SORBS2: variants seen among roughly 807,000 people sequenced by gnomAD.
The protein encoded by SORBS2 is sorbin and SH3 domain containing 2, also known as sorbin and SH3 domain-containing protein 2.
SORBS2 carries 46 observed loss-of-function variants against 97.7 expected under a neutral mutation model. That is an observed-to-expected ratio of 0.47 (90% CI 0.37 to 0.60). SORBS2 has a LOEUF of 0.60. Ranked by LOEUF, SORBS2 falls within the 20% of genes least tolerant of loss-of-function variation. The pLI is 0.00. For synonymous variants in SORBS2, 476 were observed against 473.4 expected, an observed-to-expected ratio of 1.01 and a Z score of -0.07; for missense variants, 1,316 against 1,282.3, an observed-to-expected ratio of 1.03 and a Z score of -0.40.
chr4:185,927,284 T>C (rs2099264185), intron 1 of SORBS2, among the ~76,000 whole-genome samples: 1 of 151,852 alleles, frequency 6.6e-6, no homozygotes, highest in Non-Finnish European at 1.5e-5. Flanking sequence ...TTATTTTTTA[T>C]TTTACTTTAA....
chr4:185,920,914 C>G (rs938530837), intron 1 of SORBS2, among the ~76,000 whole-genome samples: 1 of 152,140 alleles, frequency 6.6e-6, no homozygotes, highest in Non-Finnish European at 1.5e-5. Context: ...CATCAAAATG[C>G]TTTTCAGTGA....
At chr4:185,665,048 G>A (rs1286621576) in intron 4 of SORBS2, among the ~76,000 whole-genome samples, 1 of 151,994 alleles carries the variant, frequency 6.6e-6, no homozygotes, top group Non-Finnish European at 1.5e-5. Context: ...TATATGTATG[G>A]AAAAGATGTA....
chr4:185,616,714 A>G (rs57883318), intron 9 of SORBS2, among the ~76,000 whole-genome samples: 33,016 of 152,062 alleles, frequency 0.22, 4,290 homozygotes, highest in African/African-American at 0.37. Context: ...CAGACCTAGA[A>G]TTTTAAAGTC....
intron 1 of SORBS2, among the ~76,000 whole-genome samples, chr4:185,937,284 G>A (rs1383447787): frequency 3.3e-5 from 5 of 152,136 alleles, no homozygotes; most frequent in Non-Finnish European, 7.4e-5. Context: ...GTTCTGCATT[G>A]TACTAGCAGT....
rs113697218 is a variant in SORBS2 at position 185,646,826 on chromosome 4, C to T, written c.282-44G>A. On this transcript the variant is annotated intron_variant, in intron 3 of 14. Transcript: ENST00000418609. ...TCACACATTAAAATAATCCTTTTTG[C>T]TTAAAGCAATTGTGTAAAACCAGTT... 2.6e-6 allele frequency: 3 copies of T among 1,149,756 alleles called. No homozygotes were observed. In the African/African-American group the frequency reaches 4.5e-5, roughly 17 times the overall value. 71.2% of individuals were successfully genotyped at this position (1,149,756 alleles called of 1,614,324 possible).
Position 185,678,829 on chromosome 4 carries a change from G to GAA in SORBS2, c.-197-9_-197-8dup. On this transcript the variant is annotated splice_polypyrimidine_tract_variant and splice_region_variant and intron_variant, in intron 2 of 20. Coordinates refer to the SORBS2 transcript ENST00000284776. ...GGTGACTGAGAATCACGCCCTGAAA[G>GAA]AAAAAAAAATGTTGAAATTAAGACT... The GAA allele has an allele frequency of 2.1e-6, 3 of 1,410,516 alleles. No individual in the cohort carries two copies. Among genetic ancestry groups the GAA allele is most frequent in the South Asian group, 1.6e-5 (1 of 63,986 alleles). 87.4% of individuals were successfully genotyped at this position (1,410,516 alleles called of 1,614,324 possible).
chr4:185,903,767 C>T (rs1379073470), intron 1 of SORBS2, among the ~76,000 whole-genome samples: 2 of 152,136 alleles, frequency 1.3e-5, no homozygotes, highest in Non-Finnish European at 2.9e-5. Context: ...TCAGATTGCA[C>T]GATAACCTTG....
intron 1 of SORBS2, among the ~76,000 whole-genome samples, chr4:185,866,412 C>T (rs2099226910): frequency 6.6e-6 from 1 of 152,206 alleles, no homozygotes; most frequent in South Asian, 2.1e-4. Context: ...TTAAATAGAA[C>T]TGTCCCTCCT....
intron 1 of SORBS2, among the ~76,000 whole-genome samples, chr4:185,868,973 C>T (rs1369170756): frequency 6.6e-6 from 1 of 152,166 alleles, no homozygotes; most frequent in Non-Finnish European, 1.5e-5. Context: ...TTTTATGGAG[C>T]ATATGAGAAA....
At chr4:185,892,826 A>T (rs1225580566) in intron 1 of SORBS2, among the ~76,000 whole-genome samples, 1 of 152,182 alleles carries the variant, frequency 6.6e-6, no homozygotes, top group Non-Finnish European at 1.5e-5. Context: ...AGATGAAAAA[A>T]TTTTGCAGAT....
intron 1 of SORBS2, among the ~76,000 whole-genome samples, chr4:185,793,360 C>T (rs139805438): frequency 2.0e-5 from 3 of 152,318 alleles, no homozygotes; most frequent in Non-Finnish European, 2.9e-5. Context: ...ATCCTGTCAT[C>T]ATTTTTGCCG....
intron 12 of SORBS2, among the ~76,000 whole-genome samples, chr4:185,604,527 A>C (rs60624270): frequency 0.089 from 13,582 of 152,212 alleles, 830 homozygotes; most frequent in African/African-American, 0.16. Context: ...AAAATGACGG[A>C]GGCTTAAATA....
intron 13 of SORBS2, among the ~76,000 whole-genome samples, chr4:185,590,480 T>C (rs931892352): frequency 4.6e-5 from 7 of 152,220 alleles, no homozygotes; most frequent in South Asian, 4.1e-4. Context: ...GTATTCTATG[T>C]GCAGTTATTA....
intron 12 of SORBS2, 71 bp downstream of exon 24, chr4:185,611,709 C>T (rs776044197): frequency 2.4e-4 from 293 of 1,223,986 alleles, no homozygotes; most frequent in Non-Finnish European, 3.2e-4. Flanking sequence ...ATCTAATATC[C>T]TAAAGTCACA....
At chr4:185,946,367 A>T (rs900057392) in intron 1 of SORBS2, among the ~76,000 whole-genome samples, 2 of 152,206 alleles carry the variant, frequency 1.3e-5, no homozygotes, top group African/African-American at 4.8e-5. Flanking sequence ...AGCGAAGGCA[A>T]TGGTGAGAAT....
chr4:185,833,087 TC>T (rs2099206010), intron 1 of SORBS2, among the ~76,000 whole-genome samples: 1 of 152,362 alleles, frequency 6.6e-6, no homozygotes, highest in African/African-American at 2.4e-5. Flanking sequence ...TATCACATTT[TC>T]TTCATATGTG....
At position 185,607,059 on chromosome 4, in the gene SORBS2, A is replaced by G. The variant is rs1213401644; in HGVS notation, c.2796+4721T>C. Reference sequence around the variant, plus strand: ...GAGTGGAAGGTGATTCGGCAGGTGCAGTCGCTGGGGACAATGGGAGGAGGA... The same window carrying G: ...GAGTGGAAGGTGATTCGGCAGGTGCGGTCGCTGGGGACAATGGGAGGAGGA... On this transcript the variant is annotated intron_variant, in intron 12 of 14. Coordinates refer to ENST00000418609, the Ensembl canonical transcript of SORBS2. This position sits in a 1 kb window ranked among gnomAD's most constrained non-coding sequence, Gnocchi z 5.2. 1.9e-6 allele frequency: 2 copies of G among 1,031,848 alleles called. No homozygotes were observed. The highest frequency in any genetic ancestry group is 1.7e-5 in the African/African-American group (1 of 57,680). 63.9% of individuals were successfully genotyped at this position (1,031,848 alleles called of 1,614,324 possible).
intron 6 of SORBS2, among the ~76,000 whole-genome samples, chr4:185,625,248 T>C (rs1228577221): frequency 6.6e-6 from 1 of 152,224 alleles, no homozygotes; most frequent in Non-Finnish European, 1.5e-5. Context: ...GCATATACCA[T>C]GCTTTTTTTC....
chr4:185,587,758 T>G, intron 14 of SORBS2, 70 bp from the exon 27 acceptor site: 1 of 1,243,686 alleles, frequency 8.0e-7, no homozygotes, highest in Non-Finnish European at 1.2e-6. Flanking sequence ...GCTTGAATAC[T>G]TCCCATTTAC....
Sources: gnomAD v4.1 joint callset for allele counts (sites outside exome capture counted in the v4.1 genomes callset) on GRCh38, gnomAD v4.1.1 for gene constraint, Gnocchi (gnomAD v3.1) non-coding constraint, MANE v1.5 for transcripts, NCBI Gene and HGNC (gene_info 2026-07-23, HGNC 2026-07-21) for gene names.